Variants in JHY observed in about 807,000 individuals in gnomAD.
JHY encodes jhy protein homolog.
Under a neutral mutation model 78.0 loss-of-function variants are expected in JHY, and 69 were observed. That is an observed-to-expected ratio of 0.88 (90% confidence interval 0.73 to 1.08). The LOEUF (loss-of-function observed/expected upper bound fraction) is 1.08, where lower values mean the gene tolerates loss of function less well. JHY is among the 50% of genes least tolerant of loss of function. JHY has a pLI of 0.00. For synonymous variants in JHY, 368 were observed against 342.6 expected, an observed-to-expected ratio of 1.07 and a Z score of -0.82; for missense variants, 944 against 927.8, an observed-to-expected ratio of 1.02 and a Z score of -0.23.
chr11:122,947,709 C>T (rs1863995502), intron 6 of JHY, among the ~76,000 whole-genome samples: 1 of 152,140 alleles, frequency 6.6e-6, no homozygotes, highest in Non-Finnish European at 1.5e-5. Context: ...TGGAGATTTG[C>T]ATGCAGGAGG....
chr11:122,906,517 A>G (rs1482626759), intron 3 of JHY, among the ~76,000 whole-genome samples: 1 of 152,138 alleles, frequency 6.6e-6, no homozygotes, highest in Non-Finnish European at 1.5e-5. Flanking sequence ...ATAGCCAGTA[A>G]TTTATCTCAA....
At chr11:122,889,817 G>C (rs748135008) in intron 2 of JHY, among the ~76,000 whole-genome samples, 7 of 152,118 alleles carry the variant, frequency 4.6e-5, no homozygotes, top group Non-Finnish European at 1.0e-4. Flanking sequence ...AGAGTGAAGT[G>C]GCACGATCTT....
chr11:122,900,170 A>G (rs1198240187), intron 2 of JHY, among the ~76,000 whole-genome samples: 1 of 152,254 alleles, frequency 6.6e-6, no homozygotes, highest in African/African-American at 2.4e-5. Context: ...ACTTATTTCA[A>G]GAAGTTCCTC....
rs543178643 is a variant in JHY, at chr11:122,886,258, G to A, written c.344+65G>A. 1.8e-4 allele frequency: 266 copies of A among 1,458,916 alleles called. 5 individuals carry two copies. In the South Asian group the frequency reaches 2.9e-3, roughly 16 times the overall value. 90.4% of individuals were successfully genotyped at this position (1,458,916 alleles called of 1,614,324 possible). A position where few individuals can be genotyped will look rare whatever the true frequency, so the allele number is the denominator to read the frequency against. ...AATGTATCATTAGATAATTACTGTC[G>A]TCATTCCAAATTAGAGTAAGGGCAA... On this transcript the variant is annotated intron_variant, in intron 2 of 8. Transcript: ENST00000227349.
At chr11:122,912,286 C>CA (rs374121692) in intron 3 of JHY, among the ~76,000 whole-genome samples, 341 of 73,530 alleles carry the variant, frequency 4.6e-3, no homozygotes, top group Middle Eastern at 0.011. Context: ...GACTCCATCT[C>CA]AAAAAAAAAA....
chr11:122,893,414 T>TA (rs1160757369), intron 2 of JHY, among the ~76,000 whole-genome samples: 1 of 152,210 alleles, frequency 6.6e-6, no homozygotes, highest in African/African-American at 2.4e-5. Flanking sequence ...CCAGAAATGC[T>TA]AAAGCCATAG....
At position 122,955,153 on chromosome 11, in the gene JHY, C is replaced by T. The variant is rs576473386; in HGVS notation, c.1930-1343C>T. 2.0e-5 allele frequency among the ~76,000 whole-genome samples: 3 copies of T among 152,292 alleles called. No homozygotes were observed. In the South Asian group the frequency reaches 6.2e-4, roughly 32 times the overall value. ...TGTTGTTGTTTTAAATAGAATCTCT[C>T]TCTGTCACTCAGGCTGGAATGCAGT... On this transcript the variant is annotated intron_variant, in intron 6 of 8. Transcript: ENST00000227349.
chr11:122,949,840 CTT>C (rs11402032), intron 6 of JHY, among the ~76,000 whole-genome samples: 10 of 142,406 alleles, frequency 7.0e-5, no homozygotes, highest in Non-Finnish European at 7.6e-5. Context: ...TCTTTCTTTT[CTT>C]TTTTTTTTTT....
intron 2 of JHY, among the ~76,000 whole-genome samples, chr11:122,895,506 CTTTAT>C (rs1261673325): frequency 3.3e-5 from 5 of 152,122 alleles, no homozygotes; most frequent in African/African-American, 7.2e-5. Context: ...TAAATGGAGA[CTTTAT>C]TTTATTTGGT....
At chr11:122,909,787 A>T (rs935588253) in intron 3 of JHY, among the ~76,000 whole-genome samples, 1 of 152,106 alleles carries the variant, frequency 6.6e-6, no homozygotes, top group East Asian at 1.9e-4. Flanking sequence ...TCAAAAAAAT[A>T]AATTAAATAA....
chr11:122,903,302 T>G (rs761191225), intron 2 of JHY, among the ~76,000 whole-genome samples: 1 of 152,220 alleles, frequency 6.6e-6, no homozygotes, highest in Non-Finnish European at 1.5e-5. Flanking sequence ...CCACAGTGAT[T>G]ATTTGTTTAA....
Position 122,885,778 on chromosome 11 carries a change from C to T in JHY, c.-72C>T. 4.0e-6 allele frequency: 5 copies of T among 1,245,950 alleles called. No homozygotes were observed. Among genetic ancestry groups the T allele is most frequent in the Non-Finnish European group, 5.6e-6 (5 of 892,436 alleles). 77.2% of individuals were successfully genotyped at this position (1,245,950 alleles called of 1,614,324 possible). A position where few individuals can be genotyped will look rare whatever the true frequency, so the allele number is the denominator to read the frequency against. Reference sequence around the variant, plus strand: ...TTTTTCAGGTAACGCTTTTGTGAACCACAACTTTAAATATCAGCCAGCTGC... The same window carrying T: ...TTTTTCAGGTAACGCTTTTGTGAACTACAACTTTAAATATCAGCCAGCTGC... On this transcript the variant is annotated 5_prime_UTR_variant, in exon 2 of 9. Coordinates refer to ENST00000227349, the MANE Select transcript of JHY (RefSeq NM_024806.4).
intron 3 of JHY, among the ~76,000 whole-genome samples, chr11:122,915,485 A>G (rs969680262): frequency 6.6e-6 from 1 of 152,166 alleles, no homozygotes; most frequent in Non-Finnish European, 1.5e-5. Context: ...ATTCTTTAAA[A>G]TGAAAAAGGG....
chr11:122,896,225 T>G (rs1372432592), intron 2 of JHY, among the ~76,000 whole-genome samples: 4 of 151,956 alleles, frequency 2.6e-5, no homozygotes, highest in Non-Finnish European at 5.9e-5. Flanking sequence ...GTGGGTGATA[T>G]TGCTTCTACA....
chr11:122,937,834 T>C (rs1329265570), intron 5 of JHY, among the ~76,000 whole-genome samples: 1 of 152,094 alleles, frequency 6.6e-6, no homozygotes, highest in Non-Finnish European at 1.5e-5. Flanking sequence ...GAGGTAAATG[T>C]TTTGAGATCT....
At chr11:122,897,295 G>A (rs576642194) in intron 2 of JHY, among the ~76,000 whole-genome samples, 1 of 151,788 alleles carries the variant, frequency 6.6e-6, no homozygotes, top group East Asian at 2.0e-4. Context: ...CACAGTCATG[G>A]CTCACTGAAG....
intron 3 of JHY, among the ~76,000 whole-genome samples, chr11:122,912,171 C>G (rs1036440782): frequency 1.3e-5 from 2 of 151,666 alleles, no homozygotes; most frequent in African/African-American, 4.8e-5. Context: ...CCTGTAATCC[C>G]ACCTACTCAA....
intron 6 of JHY, among the ~76,000 whole-genome samples, chr11:122,950,829 G>A (rs1481198523): frequency 6.6e-6 from 1 of 152,190 alleles, no homozygotes; most frequent in Non-Finnish European, 1.5e-5. Flanking sequence ...GAGGTCAGGG[G>A]AGAGGAAGGA....
Position 122,898,659 on chromosome 11 carries a change from C to T in JHY, c.345-5266C>T, listed in dbSNP as rs1276155028. ...AGTACAAAGTAGAGGATTACTTGTT[C>T]TAAGTTTTCCAAAAAGGACTTCATA... is the stretch of plus-strand genomic sequence containing the variant. On this transcript the variant is annotated intron_variant, in intron 2 of 8. Transcript: ENST00000227349. This position sits in a 1 kb window ranked among gnomAD's most constrained non-coding sequence, Gnocchi z 4.4. Among the ~76,000 whole-genome samples the T allele has an allele frequency of 6.6e-6, 1 of 152,212 alleles. No homozygotes were observed. The highest frequency in any genetic ancestry group is 1.9e-4 in the East Asian group (1 of 5,200).
Sources: allele counts gnomAD v4.1 joint callset (sites outside exome capture counted in the v4.1 genomes callset), GRCh38; gene constraint gnomAD v4.1.1; non-coding constraint Gnocchi (gnomAD v3.1); transcripts MANE v1.5; gene names NCBI Gene and HGNC (gene_info 2026-07-23, HGNC 2026-07-21).